UIMC1: variants seen among roughly 807,000 people sequenced by gnomAD.
UIMC1 encodes the protein BRCA1-A complex subunit RAP80.
UIMC1 carries 42 observed loss-of-function variants against 84.9 expected under a neutral mutation model. The observed-to-expected ratio is 0.49, with a 90% CI of 0.39 to 0.64. The LOEUF is 0.64. Among genes scored for constraint, UIMC1 ranks in the 30% least tolerant of loss-of-function variants. The pLI is 0.00. For missense variants in UIMC1, 825 were observed against 847.6 expected, an observed-to-expected ratio of 0.97 and a Z score of 0.33; for synonymous variants, 281 against 293.0, an observed-to-expected ratio of 0.96 and a Z score of 0.42.
intron 10 of UIMC1, among the ~76,000 whole-genome samples, chr5:176,935,980 T>G (rs13190071): frequency 6.6e-6 from 1 of 152,274 alleles, no homozygotes; most frequent in Non-Finnish European, 1.5e-5. Flanking sequence ...GTGTATACAG[T>G]TAATGCCTTC....
At chr5:176,997,492 G>A (rs1773774498) in intron 1 of UIMC1, among the ~76,000 whole-genome samples, 1 of 151,978 alleles carries the variant, frequency 6.6e-6, no homozygotes, top group Admixed American at 6.6e-5. Flanking sequence ...AGACCATCCT[G>A]GCTCACACAG....
chr5:176,941,430 T>C (rs747783545), intron 10 of UIMC1, among the ~76,000 whole-genome samples: 8 of 152,208 alleles, frequency 5.3e-5, no homozygotes, highest in Non-Finnish European at 1.0e-4. Context: ...GCCATTATTA[T>C]TACAATGAAC....
At chr5:176,934,586 C>T (rs999915135) in intron 10 of UIMC1, among the ~76,000 whole-genome samples, 1 of 152,192 alleles carries the variant, frequency 6.6e-6, no homozygotes, top group African/African-American at 2.4e-5. Context: ...GAAAGAAATC[C>T]CACGTGTTAA....
At chr5:176,957,301 A>G (rs1766727553) in intron 7 of UIMC1, among the ~76,000 whole-genome samples, 1 of 152,174 alleles carries the variant, frequency 6.6e-6, no homozygotes, top group East Asian at 1.9e-4. Context: ...CAACTCTCAT[A>G]TGGGAGAACA....
intron 10 of UIMC1, among the ~76,000 whole-genome samples, chr5:176,928,988 T>C (rs1762740729): frequency 6.7e-6 from 1 of 149,826 alleles, no homozygotes; most frequent in African/African-American, 2.5e-5. Flanking sequence ...GCGTGGTGGC[T>C]TACACCTGTA....
intron 1 of UIMC1, among the ~76,000 whole-genome samples, chr5:177,012,476 T>C (rs1775570859): frequency 6.6e-6 from 1 of 152,116 alleles, no homozygotes; most frequent in Non-Finnish European, 1.5e-5. Flanking sequence ...GTGGATCACT[T>C]GAGGCCAGGG....
At chr5:176,936,518 A>G (rs1163438443) in intron 10 of UIMC1, among the ~76,000 whole-genome samples, 3 of 152,184 alleles carry the variant, frequency 2.0e-5, no homozygotes, top group Admixed American at 6.5e-5. Flanking sequence ...TCTTTGCTCA[A>G]GTCCCTCCAG....
At chr5:176,936,002 C>CTTATT (rs1364424206) in intron 10 of UIMC1, among the ~76,000 whole-genome samples, 1 of 152,168 alleles carries the variant, frequency 6.6e-6, no homozygotes, top group Non-Finnish European at 1.5e-5. Flanking sequence ...GCTTCCCTAA[C>CTTATT]TCTCCTATAA....
intron 10 of UIMC1, among the ~76,000 whole-genome samples, chr5:176,925,670 A>G (rs1297277815): frequency 1.3e-5 from 2 of 152,226 alleles, no homozygotes; most frequent in Non-Finnish European, 2.9e-5. Flanking sequence ...GAAAGATTAC[A>G]TAAAAGTATA....
intron 8 of UIMC1, among the ~76,000 whole-genome samples, chr5:176,954,950 C>T (rs1018234143): frequency 6.6e-6 from 1 of 152,050 alleles, no homozygotes; most frequent in African/African-American, 2.4e-5. Flanking sequence ...ATAGGCTATA[C>T]GAGACCTGAG....
At chr5:176,910,039 A>C (rs1446632591) in intron 11 of UIMC1, among the ~76,000 whole-genome samples, 1 of 152,246 alleles carries the variant, frequency 6.6e-6, no homozygotes, top group Non-Finnish European at 1.5e-5. Flanking sequence ...TTGCTGTCTC[A>C]GATACATTTT....
At position 176,989,194 on chromosome 5, in the gene UIMC1, T is replaced by TA. The variant is rs202226079; in HGVS notation, c.-8-6572dup. Among the ~76,000 whole-genome samples the TA allele has an allele frequency of 1.0e-3, 154 of 151,828 alleles. 1 individual carries two copies. The South Asian group carries it at 0.011, about 11-fold the overall frequency. On this transcript the variant is annotated intron_variant, in intron 1 of 14. Transcript: ENST00000511320. ...TACAATACTAGCATTAAAGTTTTTCTAAAAAAAACACTTAAAGGATTAAAA... is the reference window on the plus strand; with the variant it reads ...TACAATACTAGCATTAAAGTTTTTCTAAAAAAAAACACTTAAAGGATTAAAA...
Position 176,968,897 on chromosome 5 carries a change from T to TCC in UIMC1, c.856_857dup (p.Val287GlufsTer2). On this transcript the variant is annotated frameshift_variant, in exon 6 of 15. Coordinates refer to ENST00000511320, the MANE Select transcript of UIMC1 (RefSeq NM_001199298.2). LOFTEE classifies it high-confidence loss of function. ...CCTTGGTATACTGGTTAGGGTCTAC[T>TCC]CCATCAGGGCAGAATGGAATACCCC... 1 of 1,614,086 alleles carries TCC rather than the reference T, an allele frequency of 6.2e-7. No individual in the cohort carries two copies. The highest frequency in any genetic ancestry group is 8.5e-7 in the Non-Finnish European group (1 of 1,179,962).
At chr5:176,982,957 C>T (rs1188202539) in intron 1 of UIMC1, among the ~76,000 whole-genome samples, 1 of 152,166 alleles carries the variant, frequency 6.6e-6, no homozygotes, top group African/African-American at 2.4e-5. Flanking sequence ...TGTCAGCCTC[C>T]CATAGTGCTG....
intron 1 of UIMC1, among the ~76,000 whole-genome samples, chr5:176,996,996 A>C (rs1773702060): frequency 6.6e-6 from 1 of 152,146 alleles, no homozygotes; most frequent in South Asian, 2.1e-4. Flanking sequence ...AGCTTCCTAC[A>C]TAACCCTGCT....
chr5:177,021,254 G>A (rs1482638603), intron 1 of UIMC1, among the ~76,000 whole-genome samples: 1 of 152,080 alleles, frequency 6.6e-6, no homozygotes, highest in Non-Finnish European at 1.5e-5. Context: ...CTCCAACCTG[G>A]CGACAGAGCA....
exon 1 of UIMC1, chr5:177,022,513 A>G (rs1561948185): frequency 4.0e-6 from 2 of 498,524 alleles, no homozygotes; most frequent in Non-Finnish European, 7.0e-6. Flanking sequence ...CCTCTCCGGG[A>G]GGGGGGGGTC....
At chr5:176,905,933 C>G in intron 14 of UIMC1, 78 bp downstream of exon 14, 8 of 1,480,736 alleles carry the variant, frequency 5.4e-6, no homozygotes, top group Admixed American at 1.7e-5. Context: ...GAGTATCACA[C>G]TACACACAGA....
At chr5:176,940,732 C>G (rs1227982387) in intron 10 of UIMC1, among the ~76,000 whole-genome samples, 1 of 151,932 alleles carries the variant, frequency 6.6e-6, no homozygotes, top group Non-Finnish European at 1.5e-5. Context: ...CATAGAGACC[C>G]TTAAAAAAAA....
Sources: allele counts gnomAD v4.1 joint callset (sites outside exome capture counted in the v4.1 genomes callset), GRCh38; gene constraint gnomAD v4.1.1; transcripts MANE v1.5; gene names NCBI Gene and HGNC (gene_info 2026-07-23, HGNC 2026-07-21).